TRIP12: variants seen among roughly 807,000 people sequenced by gnomAD.
The protein encoded by TRIP12 is thyroid hormone receptor interactor 12.
In TRIP12, 25 loss-of-function variants were observed where a neutral mutation model predicts 244.2. The ratio of observed to expected loss-of-function variants is 0.10; its 90% confidence interval spans 0.07 to 0.14. TRIP12 has a LOEUF of 0.14. TRIP12 is among the 10% of genes least tolerant of loss of function. TRIP12 has a pLI of 1.00. For missense variants in TRIP12, 1,677 were observed against 2,486.4 expected (o/e 0.67, Z 6.92); for synonymous variants, 905 against 873.1 (o/e 1.04, Z -0.64).
chr2:229,803,644 C>G lies in TRIP12; in HGVS notation c.2925G>C (p.Val975=). The change falls in exon 20 of 42, where the codon GTG becomes GTC. Residue 975 remains valine, a synonymous_variant. Transcript: ENST00000675903. Reference sequence around the variant, plus strand: ...AAATTTCTGCCATCTGAAGTGCTCCCACTACTATCTTCAGGTCTTGGCTTG... The same window carrying G: ...AAATTTCTGCCATCTGAAGTGCTCCGACTACTATCTTCAGGTCTTGGCTTG... The part of the protein sequence containing the change: ...MLSSQDLKIV[V]GALQMAEILM... The G allele has an allele frequency of 6.2e-7, 1 of 1,613,350 alleles. No homozygotes were observed. Among genetic ancestry groups the G allele is most frequent in the South Asian group, 1.1e-5 (1 of 90,900 alleles).
intron 1 of TRIP12, among the ~76,000 whole-genome samples, chr2:229,890,756 T>A (rs532382732): frequency 3.3e-5 from 5 of 151,888 alleles, no homozygotes; most frequent in Admixed American, 1.3e-4. Context: ...TTTCAAAAGT[T>A]AAAAAAAAAT....
chr2:229,864,047 A>AGAGAGAGTGAGTGT lies in TRIP12; in HGVS notation c.99-3517_99-3516insACACTCACTCTCTC. On this transcript the variant is annotated intron_variant, in intron 2 of 41. Transcript: ENST00000675903. Reference sequence around the variant, plus strand: ...GAGAGAGAGAGAGAGAGAGAGAGAGAGTGTGTGTGTGTGTGTGTGTGTGTG... The same window carrying AGAGAGAGTGAGTGT: ...GAGAGAGAGAGAGAGAGAGAGAGAGAGAGAGAGTGAGTGTGTGTGTGTGTGTGTGTGTGTGTGTG... Among the ~76,000 whole-genome samples, 628 of 79,088 alleles carry AGAGAGAGTGAGTGT rather than the reference A, an allele frequency of 7.9e-3. 1 individual carries two copies. Among genetic ancestry groups the AGAGAGAGTGAGTGT allele is most frequent in the Non-Finnish European group, 0.011 (429 of 39,148 alleles). 51.9% of individuals were successfully genotyped at this position (79,088 alleles called of 152,430 possible).
In TRIP12 at chr2:229,879,996, G is replaced by A. The variant is rs1436562680; in HGVS notation, c.84C>T (p.Asp28=). ...RNTAGAQPQD[D]SIGGRSHLGQ... The stretch of plus-strand genomic sequence containing the variant: ...GAAATACATACCTTCCTCCTATTGA[G>A]TCGTCTTGTGGTTGGGCCCCGGCAG... The change falls in exon 2 of 42, where the codon GAC becomes GAT. Residue 28 remains aspartate (D), a synonymous_variant. Coordinates refer to ENST00000675903, the MANE Select transcript of TRIP12 (RefSeq NM_001348323.3). The A allele has an allele frequency of 1.2e-6, 2 of 1,613,860 alleles. No individual in the cohort carries two copies. Among genetic ancestry groups the A allele is most frequent in the Non-Finnish European group, 1.7e-6 (2 of 1,180,020 alleles).
intron 1 of TRIP12, among the ~76,000 whole-genome samples, chr2:229,880,761 T>A (rs1288420162): frequency 1.2e-4 from 18 of 152,074 alleles, no homozygotes; most frequent in Non-Finnish European, 7.4e-5. Flanking sequence ...CTGGTCAATA[T>A]GATGAAACCC....
At chr2:229,871,730 T>C (rs2062638638) in intron 2 of TRIP12, among the ~76,000 whole-genome samples, 1 of 152,128 alleles carries the variant, frequency 6.6e-6, no homozygotes, top group Admixed American at 6.5e-5. Context: ...CTAATATAAT[T>C]TGAAATTAGA....
At chr2:229,776,421 C>T (rs374857111) in intron 37 of TRIP12, among the ~76,000 whole-genome samples, 2 of 152,120 alleles carry the variant, frequency 1.3e-5, no homozygotes, top group East Asian at 3.9e-4. Context: ...GACTTAGCCT[C>T]TTTGAATACC....
At chr2:229,890,135 A>C (rs2066983533) in intron 1 of TRIP12, among the ~76,000 whole-genome samples, 1 of 148,450 alleles carries the variant, frequency 6.7e-6, no homozygotes, top group African/African-American at 2.5e-5. Flanking sequence ...GCTGGAGTGC[A>C]ATGGCGCAGT....
At chr2:229,908,064 T>G (rs1054504701) in intron 1 of TRIP12, among the ~76,000 whole-genome samples, 1 of 152,128 alleles carries the variant, frequency 6.6e-6, no homozygotes, top group Admixed American at 6.6e-5. Flanking sequence ...AAACTTATCA[T>G]TATTCATACA....
chr2:229,781,963 T>C (rs2038318989), intron 34 of TRIP12, among the ~76,000 whole-genome samples: 1 of 152,140 alleles, frequency 6.6e-6, no homozygotes, highest in African/African-American at 2.4e-5. Context: ...TCCTGCTCCT[T>C]AGAACAACCT....
chr2:229,917,474 C>T (rs1281513853), intron 1 of TRIP12, among the ~76,000 whole-genome samples: 5 of 140,042 alleles, frequency 3.6e-5, no homozygotes, highest in Non-Finnish European at 7.6e-5. Context: ...TATTCTGTAA[C>T]ATCCACCAGA....
At position 229,770,140 on chromosome 2, in the gene TRIP12, AT is replaced by A. The variant is rs975337031; in HGVS notation, c.5809-816del. ...TGCATACCACCACGCCCAGCTAATTATTTTTTTTATTTTAGACAAGGTCTCA... is the reference window on the plus strand; with the variant it reads ...TGCATACCACCACGCCCAGCTAATTATTTTTTTATTTTAGACAAGGTCTCA... On this transcript the variant is annotated intron_variant, in intron 39 of 41. Transcript: ENST00000675903. 3.3e-5 allele frequency among the ~76,000 whole-genome samples: 5 copies of A among 151,958 alleles called. No individual in the cohort carries two copies. The East Asian group carries it at 7.7e-4, about 24-fold the overall frequency.
chr2:229,795,708 G>C (rs1374881623), intron 25 of TRIP12, among the ~76,000 whole-genome samples: 1 of 152,194 alleles, frequency 6.6e-6, no homozygotes, highest in African/African-American at 2.4e-5. Context: ...TTCAGAAACT[G>C]CTGGGAATTT....
chr2:229,909,047 G>A (rs1321065757), intron 1 of TRIP12, among the ~76,000 whole-genome samples: 3 of 136,032 alleles, frequency 2.2e-5, no homozygotes, highest in Non-Finnish European at 3.0e-5. Flanking sequence ...CTGAGATCAC[G>A]CCACTGCACT....
At chr2:229,857,045 T>C (rs1184454486) in intron 4 of TRIP12, among the ~76,000 whole-genome samples, 4 of 152,202 alleles carry the variant, frequency 2.6e-5, no homozygotes, top group Non-Finnish European at 5.9e-5. Context: ...AAAAGTAGTT[T>C]TAGACTGCAG....
chr2:229,839,643 C>A (rs1049421614), intron 5 of TRIP12, among the ~76,000 whole-genome samples: 1 of 151,084 alleles, frequency 6.6e-6, no homozygotes, highest in African/African-American at 2.4e-5. Context: ...TGTGCCATTG[C>A]ACTCCAGCCT....
rs1364777806 is a variant in TRIP12 at position 229,789,781 on chromosome 2, A to G, written c.4544-19T>C. Reference sequence around the variant, plus strand: ...ACTCCATCTAAAGGACAAAAGATCAAAGTAAGTTTTGATCAAAGTTAGAAA... The same window carrying G: ...ACTCCATCTAAAGGACAAAAGATCAGAGTAAGTTTTGATCAAAGTTAGAAA... On this transcript the variant is annotated intron_variant, in intron 30 of 41. Transcript: ENST00000675903. 6.2e-7 allele frequency: 1 copy of G among 1,612,426 alleles called. No individual in the cohort carries two copies.
chr2:229,864,129 G>T (rs937846861), intron 2 of TRIP12, among the ~76,000 whole-genome samples: 14 of 145,650 alleles, frequency 9.6e-5, no homozygotes, highest in Non-Finnish European at 1.7e-4. Context: ...ACAACATATG[G>T]GTATTCCTGA....
intron 34 of TRIP12, among the ~76,000 whole-genome samples, chr2:229,781,949 C>G (rs532722777): frequency 6.6e-6 from 1 of 152,256 alleles, no homozygotes; most frequent in African/African-American, 2.4e-5. Context: ...CATTAGCAAT[C>G]CAATCCTGCT....
chr2:229,919,915 A>T (rs990494691), intron 1 of TRIP12, among the ~76,000 whole-genome samples: 1 of 152,236 alleles, frequency 6.6e-6, no homozygotes, highest in African/African-American at 2.4e-5. Context: ...ACACAGCAGG[A>T]AGTGTCAAAA....
Sources: allele counts gnomAD v4.1 joint callset (sites outside exome capture counted in the v4.1 genomes callset), GRCh38; gene constraint gnomAD v4.1.1; transcripts MANE v1.5; gene names NCBI Gene and HGNC (gene_info 2026-07-23, HGNC 2026-07-21).